The following CAPRIN2 variants were observed in gnomAD, a reference collection of about 807,000 sequenced individuals.
CAPRIN2 encodes caprin-2.
A neutral mutation model predicts 130.4 loss-of-function variants in CAPRIN2; 66 were observed. That is an observed-to-expected ratio of 0.51 (90% CI 0.42 to 0.62). The LOEUF (loss-of-function observed/expected upper bound fraction) is 0.62. Among genes scored for constraint, CAPRIN2 ranks in the 20% least tolerant of loss-of-function variants. The pLI, the probability that CAPRIN2 is intolerant of heterozygous loss-of-function variation, is 0.00. For synonymous variants in CAPRIN2, 471 were observed against 444.1 expected (o/e 1.06, Z -0.76); for missense variants, 1,185 against 1,246.6 (o/e 0.95, Z 0.74).
intron 12 of CAPRIN2, chr12:30,720,531 G>A (rs1347012279): frequency 1.7e-5 from 4 of 235,366 alleles, no homozygotes; most frequent in African/African-American, 2.3e-5. Flanking sequence ...TAAATATAGT[G>A]GAAAACTTGA....
exon 1 of CAPRIN2, chr12:30,753,364 T>C: frequency 1.2e-6 from 2 of 1,606,490 alleles, no homozygotes; most frequent in South Asian, 2.2e-5. Flanking sequence ...TCGATGTTTC[T>C]AATTTTGTGT....
chr12:30,709,773 G>C (rs748225054), exon 17 of CAPRIN2: 9 of 1,056,062 alleles, frequency 8.5e-6, no homozygotes, highest in Non-Finnish European at 1.1e-5. Flanking sequence ...AAACAAAAAA[G>C]TAAGGACCTC....
intron 12 of CAPRIN2, among the ~76,000 whole-genome samples, chr12:30,718,029 G>A (rs183229242): frequency 1.1e-4 from 17 of 152,246 alleles, no homozygotes; most frequent in African/African-American, 2.9e-4. Context: ...AATGTGTACC[G>A]GGTAGGATTC....
intron 15 of CAPRIN2, chr12:30,711,928 A>G (rs2054911659): frequency 2.0e-6 from 1 of 497,434 alleles, no homozygotes; most frequent in Non-Finnish European, 3.8e-6. Flanking sequence ...AATGAGAGAA[A>G]TTTTTAAATG....
intron 2 of CAPRIN2, among the ~76,000 whole-genome samples, chr12:30,748,479 C>T (rs1277837727): frequency 6.6e-6 from 1 of 152,174 alleles, no homozygotes; most frequent in Non-Finnish European, 1.5e-5. Flanking sequence ...TTCTTTTTGA[C>T]ACAGTGCTAC....
chr12:30,730,328 G>A (rs1312815151), intron 6 of CAPRIN2, 46 bp from the exon 8 acceptor site: 1 of 1,308,132 alleles, frequency 7.6e-7, no homozygotes, highest in South Asian at 1.2e-5. Context: ...TGAACTGTAA[G>A]TTTTTAGACA....
chr12:30,737,914 T>C (rs2065662743), intron 3 of CAPRIN2, among the ~76,000 whole-genome samples: 1 of 152,082 alleles, frequency 6.6e-6, no homozygotes, highest in African/African-American at 2.4e-5. Context: ...TTGGTTTTCT[T>C]AATCGAGACT....
At chr12:30,739,424 A>T (rs2066339545) in intron 3 of CAPRIN2, among the ~76,000 whole-genome samples, 2 of 152,194 alleles carry the variant, frequency 1.3e-5, no homozygotes, top group Non-Finnish European at 2.9e-5. Context: ...AAGAGGAGGG[A>T]TAGGATTAGA....
chr12:30,753,483 T>C, exon 1 of CAPRIN2: 2 of 1,614,222 alleles, frequency 1.2e-6, no homozygotes, highest in Middle Eastern at 1.7e-4. Context: ...GCTTTCCCCA[T>C]GCTGACTGTG....
chr12:30,714,870 A>G, intron 14 of CAPRIN2, 89 bp downstream of exon 16: 1 of 1,053,622 alleles, frequency 9.5e-7, no homozygotes, highest in Non-Finnish European at 1.4e-6. Context: ...CAAATGACAA[A>G]AGGGAGCAAG....
At chr12:30,721,555 TAA>T (rs2059409227) in intron 11 of CAPRIN2, among the ~76,000 whole-genome samples, 1 of 151,972 alleles carries the variant, frequency 6.6e-6, no homozygotes, top group Non-Finnish European at 1.5e-5. Context: ...AACAGAAAAT[TAA>T]AAGAGTGGCT....
exon 13 of CAPRIN2, chr12:30,716,543 A>G: frequency 6.2e-7 from 1 of 1,613,980 alleles, no homozygotes. Context: ...TTCTACATGT[A>G]TAGATGGCAG....
At chr12:30,730,343 A>C (rs1185689941) in intron 6 of CAPRIN2, 61 bp from the exon 8 acceptor site, 14 of 1,142,960 alleles carry the variant, frequency 1.2e-5, no homozygotes, top group Middle Eastern at 1.9e-4. Flanking sequence ...TAGACAGATT[A>C]CAACTATAAT....
chr12:30,713,740 C>T, intron 15 of CAPRIN2, 45 bp downstream of exon 17: 1 of 1,130,396 alleles, frequency 8.8e-7, no homozygotes. Context: ...AGCTTAACAT[C>T]AACAACTGTA....
rs960440385 is a variant in CAPRIN2 at position 30,713,769 on chromosome 12, A to C, written c.2601+16T>G. 8 of 1,407,340 alleles carry C rather than the reference A, an allele frequency of 5.7e-6. No homozygotes were observed. The South Asian group carries it at 5.8e-5, about 10-fold the overall frequency. 87.2% of individuals were successfully genotyped at this position (1,407,340 alleles called of 1,614,324 possible). On this transcript the variant is annotated intron_variant, in intron 15 of 16. Transcript: ENST00000298892. Reference sequence around the variant, plus strand: ...AACTGTACCACTATTCAACTATGACAACTATTCTTACTTACCCTTTGGGAA... The same window carrying C: ...AACTGTACCACTATTCAACTATGACCACTATTCTTACTTACCCTTTGGGAA...
rs189527779 is a variant in CAPRIN2 at position 30,750,479 on chromosome 12, T to C, written c.483+592A>G. 7.9e-4 allele frequency among the ~76,000 whole-genome samples: 120 copies of C among 152,028 alleles called. No individual in the cohort carries two copies. In the Middle Eastern group the frequency reaches 0.01, roughly 13 times the overall value. Reference sequence around the variant, plus strand: ...ATAAAATTTGCAATTACCAGGTATATCATTGAGAAGTTAACCGATGGAAAA... The same window carrying C: ...ATAAAATTTGCAATTACCAGGTATACCATTGAGAAGTTAACCGATGGAAAA... On this transcript the variant is annotated intron_variant, in intron 2 of 16. Coordinates refer to ENST00000298892, the Ensembl canonical transcript of CAPRIN2.
intron 5 of CAPRIN2, among the ~76,000 whole-genome samples, chr12:30,732,396 T>TA (rs375276291): frequency 7.9e-4 from 119 of 150,342 alleles, no homozygotes; most frequent in East Asian, 4.5e-3. Flanking sequence ...TTTTGTCTTT[T>TA]AAAAAAAAAA....
intron 2 of CAPRIN2, among the ~76,000 whole-genome samples, chr12:30,749,641 A>G (rs745679753): frequency 1.3e-5 from 2 of 152,194 alleles, no homozygotes; most frequent in African/African-American, 2.4e-5. Context: ...CTGCTAGTTG[A>G]TCAAGCCATC....
intron 2 of CAPRIN2, among the ~76,000 whole-genome samples, chr12:30,741,946 G>A (rs951460153): frequency 1.3e-5 from 2 of 152,006 alleles, no homozygotes; most frequent in African/African-American, 4.8e-5. Flanking sequence ...CCCACACAAT[G>A]GAATACTAGT....
Sources: allele counts gnomAD v4.1 joint callset (sites outside exome capture counted in the v4.1 genomes callset), GRCh38; gene constraint gnomAD v4.1.1; transcripts MANE v1.5; gene names NCBI Gene and HGNC (gene_info 2026-07-23, HGNC 2026-07-21).